Variants in TLK1 observed in about 807,000 individuals in gnomAD.
TLK1 encodes serine/threonine-protein kinase tousled-like 1.
A neutral mutation model predicts 105.3 loss-of-function variants in TLK1; 24 were observed. The observed-to-expected ratio is 0.23, with a 90% confidence interval of 0.17 to 0.32. TLK1 has a LOEUF of 0.32. Among genes scored for constraint, TLK1 ranks in the 10% least tolerant of loss-of-function variants. The pLI is 1.00. For synonymous variants in TLK1, 321 were observed against 310.4 expected (o/e 1.03, Z -0.36); for missense variants, 558 against 910.5 (o/e 0.61, Z 4.98).
At chr2:171,117,626 A>G (rs1173279500) in intron 2 of TLK1, 113 bp downstream of exon 2, 7 of 785,428 alleles carry the variant, frequency 8.9e-6, no homozygotes, top group East Asian at 7.6e-5. Context: ...TATTCTACAC[A>G]TTATAAAAGT....
chr2:171,193,069 A>G (rs940599938), intron 1 of TLK1, among the ~76,000 whole-genome samples: 2 of 152,238 alleles, frequency 1.3e-5, no homozygotes, highest in African/African-American at 4.8e-5. Context: ...GCTGGTGTAA[A>G]TCACTGCAAG....
intron 14 of TLK1, among the ~76,000 whole-genome samples, chr2:171,008,579 C>CT: frequency 6.6e-6 from 1 of 152,192 alleles, no homozygotes; most frequent in Non-Finnish European, 1.5e-5. Flanking sequence ...AGAAGTATAC[C>CT]TTTCCATAAG....
chr2:171,091,075 A>T (rs1383138840), intron 2 of TLK1, among the ~76,000 whole-genome samples: 1 of 152,214 alleles, frequency 6.6e-6, no homozygotes, highest in Non-Finnish European at 1.5e-5. Context: ...TTTTATATAA[A>T]GTTTTACTGG....
intron 11 of TLK1, among the ~76,000 whole-genome samples, chr2:171,041,476 A>ACAGGTG (rs1279196397): frequency 2.0e-5 from 3 of 152,198 alleles, no homozygotes; most frequent in East Asian, 3.8e-4. Context: ...AGGCTGCACA[A>ACAGGTG]CAGGTGGTGA....
chr2:171,060,128 T>C, intron 4 of TLK1: 1 of 1,355,110 alleles, frequency 7.4e-7, no homozygotes, highest in Non-Finnish European at 9.8e-7. Flanking sequence ...TAGGCAACCA[T>C]CCTAAAAACA....
At chr2:171,115,973 T>G (rs1048731735) in intron 2 of TLK1, among the ~76,000 whole-genome samples, 3 of 152,228 alleles carry the variant, frequency 2.0e-5, no homozygotes, top group Admixed American at 6.5e-5. Context: ...TTGTTTTTCA[T>G]AATACTTTTA....
intron 11 of TLK1, among the ~76,000 whole-genome samples, chr2:171,029,931 A>G (rs1304795216): frequency 1.3e-5 from 2 of 152,174 alleles, no homozygotes; most frequent in African/African-American, 4.8e-5. Flanking sequence ...TTTTTAGTAG[A>G]GACGGAGTTT....
intron 1 of TLK1, among the ~76,000 whole-genome samples, chr2:171,129,291 G>C (rs1690999755): frequency 6.6e-6 from 1 of 152,128 alleles, no homozygotes; most frequent in Non-Finnish European, 1.5e-5. Flanking sequence ...TCCCACTCCT[G>C]AGAGGTAACC....
At chr2:171,148,309 T>C (rs1322053507) in intron 1 of TLK1, among the ~76,000 whole-genome samples, 1 of 152,158 alleles carries the variant, frequency 6.6e-6, no homozygotes, top group East Asian at 1.9e-4. Context: ...AGGTGCCTAA[T>C]AATGTGTGTA....
chr2:171,069,216 A>G (rs748524716), intron 3 of TLK1, among the ~76,000 whole-genome samples: 6 of 152,240 alleles, frequency 3.9e-5, no homozygotes, highest in Non-Finnish European at 8.8e-5. Context: ...TGGAAAGATT[A>G]TAATAGCACA....
chr2:171,061,029 C>A lies in TLK1; in HGVS notation c.406+52G>T, dbSNP rs1212935197. 7.2e-6 allele frequency: 11 copies of A among 1,524,398 alleles called. No homozygotes were observed. The East Asian group carries it at 2.3e-4, about 32-fold the overall frequency. The allele number at this position is 1,524,398 out of a possible 1,614,324, so 94.4% of individuals were successfully genotyped here. On this transcript the variant is annotated intron_variant, in intron 4 of 20. Coordinates refer to ENST00000431350, the MANE Select transcript of TLK1 (RefSeq NM_012290.5). ...AGTATTAATTGGTTAAAAATTAAAA[C>A]AATTAATTTTAAGTGTCCACTAGGC...
intron 1 of TLK1, among the ~76,000 whole-genome samples, chr2:171,194,905 G>A (rs375347037): frequency 1.7e-4 from 26 of 151,978 alleles, no homozygotes; most frequent in African/African-American, 6.0e-4. Context: ...AGAAAAAAGA[G>A]GGAGGATTGA....
rs199764256 is a variant in TLK1, at chr2:171,120,449, C to CA, written c.140-2593dup. On this transcript the variant is annotated intron_variant, in intron 1 of 20. Transcript: ENST00000431350. ...ATAAAGAACTTCTACAACTCAATAA[C>CA]AAAAAAAACCCAATTAAAAAATGGG... Among the ~76,000 whole-genome samples the CA allele has an allele frequency of 2.0e-3, 306 of 151,312 alleles. 1 individual carries two copies. The highest frequency in any genetic ancestry group is 8.3e-3 in the East Asian group (43 of 5,166).
At chr2:171,083,055 G>C (rs1250949149) in intron 2 of TLK1, among the ~76,000 whole-genome samples, 1 of 152,076 alleles carries the variant, frequency 6.6e-6, no homozygotes, top group African/African-American at 2.4e-5. Flanking sequence ...GTTTTATCAA[G>C]TCAATAAAGT....
intron 1 of TLK1, among the ~76,000 whole-genome samples, chr2:171,145,699 A>T (rs1265233025): frequency 6.6e-6 from 1 of 152,238 alleles, no homozygotes; most frequent in African/African-American, 2.4e-5. Context: ...AATGTCAATC[A>T]ACAAAGTATA....
Position 170,997,697 on chromosome 2 carries a change from T to G in TLK1, c.2016+15A>C. The G allele has an allele frequency of 6.5e-7, 1 of 1,534,296 alleles. No individual in the cohort carries two copies. The highest frequency in any genetic ancestry group is 8.9e-7 in the Non-Finnish European group (1 of 1,121,626). ...TTATCTCTGTAGAGCTGAAGGCTGG[T>G]AGAATTCAATTTACCTTTCTACCAT... On this transcript the variant is annotated intron_variant, in intron 19 of 20. Transcript: ENST00000431350.
At chr2:171,188,690 T>C (rs1478847825) in intron 1 of TLK1, among the ~76,000 whole-genome samples, 1 of 116,412 alleles carries the variant, frequency 8.6e-6, no homozygotes, top group East Asian at 2.3e-4. Context: ...CCAGCAACAG[T>C]GCAAGACTCT....
At chr2:171,126,961 A>G (rs566374152) in intron 1 of TLK1, among the ~76,000 whole-genome samples, 2 of 152,016 alleles carry the variant, frequency 1.3e-5, no homozygotes, top group East Asian at 3.9e-4. Flanking sequence ...AATGCACTCA[A>G]AAGTATCGAA....
At chr2:171,150,472 T>G (rs1691988718) in intron 1 of TLK1, among the ~76,000 whole-genome samples, 1 of 152,222 alleles carries the variant, frequency 6.6e-6, no homozygotes, top group Non-Finnish European at 1.5e-5. Context: ...CTGTCAATCC[T>G]GGCTTTCTGT....
Sources: allele counts gnomAD v4.1 joint callset (sites outside exome capture counted in the v4.1 genomes callset), GRCh38; gene constraint gnomAD v4.1.1; transcripts MANE v1.5; gene names NCBI Gene and HGNC (gene_info 2026-07-23, HGNC 2026-07-21).